The following PRKAG2 variants were observed in gnomAD, a reference collection of about 807,000 sequenced individuals.
PRKAG2 encodes the protein protein kinase AMP-activated non-catalytic subunit gamma 2.
In PRKAG2, 26 loss-of-function variants were observed where a neutral mutation model predicts 69.6. The ratio of observed to expected loss-of-function variants is 0.37; its 90% confidence interval spans 0.27 to 0.52. The LOEUF (loss-of-function observed/expected upper bound fraction) is 0.52, where lower values mean the gene tolerates loss of function less well. Among genes scored for constraint, PRKAG2 ranks in the 20% least tolerant of loss-of-function variants. The probability of loss-of-function intolerance (pLI) is 0.90; values close to 1 mark genes in which losing one functional copy is unlikely to be tolerated. For missense variants in PRKAG2, 557 were observed against 740.0 expected, an observed-to-expected ratio of 0.75 and a Z score of 2.87; for synonymous variants, 293 against 285.0, an observed-to-expected ratio of 1.03 and a Z score of -0.28.
At chr7:151,585,404 C>G (rs1811415612) in intron 6 of PRKAG2, among the ~76,000 whole-genome samples, 1 of 152,032 alleles carries the variant, frequency 6.6e-6, no homozygotes. Context: ...TCTTTATTGT[C>G]AGTTTTTTTG....
intron 3 of PRKAG2, among the ~76,000 whole-genome samples, chr7:151,703,478 C>G (rs1025464954): frequency 1.3e-5 from 2 of 151,528 alleles, no homozygotes; most frequent in African/African-American, 4.9e-5. Context: ...AGGAACTTCT[C>G]CCACATCATC....
chr7:151,684,113 C>T (rs746604735), intron 3 of PRKAG2, among the ~76,000 whole-genome samples: 6 of 152,188 alleles, frequency 3.9e-5, no homozygotes, highest in Non-Finnish European at 7.3e-5. Context: ...GCAGTGCAGG[C>T]AACTGCAGGA....
chr7:151,690,089 AG>A (rs1197353143), intron 3 of PRKAG2, among the ~76,000 whole-genome samples: 1 of 152,180 alleles, frequency 6.6e-6, no homozygotes, highest in African/African-American at 2.4e-5. Flanking sequence ...TCTCAAACCT[AG>A]GGTTTACCTC....
chr7:151,564,295 T>C (rs1805728590), intron 13 of PRKAG2, 71 bp from the exon 14 acceptor site: 1 of 1,538,674 alleles, frequency 6.5e-7, no homozygotes, highest in East Asian at 2.3e-5. Context: ...ATTAGTGAGC[T>C]TAAGAGAGCC....
intron 6 of PRKAG2, among the ~76,000 whole-genome samples, chr7:151,589,315 A>G (rs1197717983): frequency 6.6e-6 from 1 of 152,128 alleles, no homozygotes; most frequent in African/African-American, 2.4e-5. Flanking sequence ...GCTAGAAGGC[A>G]CGCGCCAGGA....
chr7:151,576,956 T>G (rs1419978332), intron 6 of PRKAG2, among the ~76,000 whole-genome samples: 1 of 148,822 alleles, frequency 6.7e-6, no homozygotes, highest in Non-Finnish European at 1.5e-5. Context: ...GAAATTATTT[T>G]TTGAAATTGA....
intron 4 of PRKAG2, among the ~76,000 whole-genome samples, chr7:151,640,095 G>A (rs1826429430): frequency 6.6e-6 from 1 of 152,140 alleles, no homozygotes; most frequent in African/African-American, 2.4e-5. Flanking sequence ...TGGATCACCT[G>A]AGGTCAGGAG....
At position 151,568,571 on chromosome 7, in the gene PRKAG2, G is replaced by GT. The variant is rs1425628127; in HGVS notation, c.1233+144dup. 3.7e-6 allele frequency: 3 copies of GT among 808,464 alleles called. No individual in the cohort carries two copies. In the African/African-American group the frequency reaches 5.2e-5, roughly 14 times the overall value. 50.1% of individuals were successfully genotyped at this position (808,464 alleles called of 1,614,324 possible). On this transcript the variant is annotated intron_variant, in intron 11 of 15. Transcript: ENST00000287878. ...TTAAGAATGTACAATTCAGAGAGTA[G>GT]TAAGTTGAGAAACTGAAGTTTAGAA...
chr7:151,757,013 G>A (rs981647598), intron 3 of PRKAG2, among the ~76,000 whole-genome samples: 1 of 152,044 alleles, frequency 6.6e-6, no homozygotes, highest in African/African-American at 2.4e-5. Context: ...AAAATTACTC[G>A]AGTCTGACCC....
At chr7:151,843,419 T>C (rs2079356277) in intron 1 of PRKAG2, among the ~76,000 whole-genome samples, 1 of 152,152 alleles carries the variant, frequency 6.6e-6, no homozygotes, top group African/African-American at 2.4e-5. Flanking sequence ...GGCTGCACCA[T>C]CACGCGGCTA....
chr7:151,875,641 G>A (rs923443224), intron 1 of PRKAG2, among the ~76,000 whole-genome samples: 9 of 150,656 alleles, frequency 6.0e-5, no homozygotes, highest in Admixed American at 4.0e-4. Flanking sequence ...GGTTGGCTGA[G>A]GCGGAGGGTG....
At chr7:151,765,219 G>A (rs1437755482) in intron 3 of PRKAG2, among the ~76,000 whole-genome samples, 1 of 152,296 alleles carries the variant, frequency 6.6e-6, no homozygotes, top group African/African-American at 2.4e-5. Context: ...GGCTGGGGAG[G>A]CCTCAGGAAA....
chr7:151,717,317 G>A (rs897584581), intron 3 of PRKAG2, among the ~76,000 whole-genome samples: 3 of 151,960 alleles, frequency 2.0e-5, no homozygotes, highest in South Asian at 2.1e-4. Context: ...TAAAAAGAGG[G>A]TGCAATCAGT....
intron 3 of PRKAG2, among the ~76,000 whole-genome samples, chr7:151,744,713 G>A (rs1376789536): frequency 2.6e-5 from 4 of 152,052 alleles, no homozygotes; most frequent in Non-Finnish European, 5.9e-5. Context: ...CCCTCCATGC[G>A]CCTCCATTCA....
intron 3 of PRKAG2, among the ~76,000 whole-genome samples, chr7:151,775,756 T>C (rs541043678): frequency 3.2e-4 from 49 of 152,278 alleles, no homozygotes; most frequent in Middle Eastern, 3.4e-3. Context: ...CCCAGGGGCC[T>C]TGTGTAATGA....
chr7:151,565,636 G>T lies in PRKAG2; in HGVS notation c.1399+84C>A, dbSNP rs888855696. 38 of 1,528,160 alleles carry T rather than the reference G, an allele frequency of 2.5e-5. No homozygotes were observed. The African/African-American group carries it at 4.9e-4, about 20-fold the overall frequency. 94.7% of individuals were successfully genotyped at this position (1,528,160 alleles called of 1,614,324 possible). On this transcript the variant is annotated intron_variant, in intron 12 of 15. Coordinates refer to ENST00000287878, the MANE Select transcript of PRKAG2 (RefSeq NM_016203.4). ...ATACCCAAGTTTTCATTTTCCCCAC[G>T]TATCTCCTGTGCCAGGTCATCTTAC...
intron 4 of PRKAG2, among the ~76,000 whole-genome samples, chr7:151,642,914 T>C (rs1357483088): frequency 6.6e-6 from 1 of 152,244 alleles, no homozygotes; most frequent in East Asian, 1.9e-4. Context: ...ATATGGGCTA[T>C]GTGCCCAGAA....
chr7:151,662,209 G>C (rs1361987277), intron 4 of PRKAG2, among the ~76,000 whole-genome samples: 1 of 152,168 alleles, frequency 6.6e-6, no homozygotes, highest in African/African-American at 2.4e-5. Context: ...AATGGACAAA[G>C]AGAATCATTT....
chr7:151,661,272 G>A (rs1163681061), intron 4 of PRKAG2, among the ~76,000 whole-genome samples: 4 of 152,094 alleles, frequency 2.6e-5, no homozygotes, highest in African/African-American at 7.2e-5. Context: ...TGCAACTTCC[G>A]CCTCAAGCAA....
Sources: gnomAD v4.1 joint callset for allele counts (sites outside exome capture counted in the v4.1 genomes callset) on GRCh38, gnomAD v4.1.1 for gene constraint, MANE v1.5 for transcripts, NCBI Gene and HGNC (gene_info 2026-07-23, HGNC 2026-07-21) for gene names.